The following CSMD1 variants were observed in gnomAD, a reference collection of about 807,000 sequenced individuals.
The protein encoded by CSMD1 is CUB and sushi domain-containing protein 1.
Under a neutral mutation model 417.5 loss-of-function variants are expected in CSMD1, and 213 were observed. That is an observed-to-expected ratio of 0.51 (90% CI 0.46 to 0.57). The LOEUF (loss-of-function observed/expected upper bound fraction) is 0.57. Ranked by LOEUF, CSMD1 falls within the 20% of genes least tolerant of loss-of-function variation. The probability of loss-of-function intolerance (pLI) is 0.00; values close to 1 mark genes in which losing one functional copy is unlikely to be tolerated. For synonymous variants in CSMD1, 2,862 were observed against 1,736.8 expected (o/e 1.65, Z -16.11); for missense variants, 6,923 against 4,529.7 (o/e 1.53, Z -15.17).
At chr8:3,602,009 A>T (rs1348203949) in intron 8 of CSMD1, among the ~76,000 whole-genome samples, 2 of 152,108 alleles carry the variant, frequency 1.3e-5, no homozygotes, top group African/African-American at 2.4e-5. Flanking sequence ...ATGGGAAGTT[A>T]TGGCTTTATG....
chr8:3,308,871 C>T lies in CSMD1; in HGVS notation c.3632-368G>A, dbSNP rs191763549. 3.0e-3 allele frequency among the ~76,000 whole-genome samples: 453 copies of T among 151,796 alleles called. 5 individuals carry two copies. In the East Asian group the frequency reaches 0.036, roughly 12 times the overall value. ...CCCAGGTAGCTGGGATTACAGGTGC[C>T]TGCCACCATGTCCAGCTAATTTTTT... On this transcript the variant is annotated intron_variant, in intron 23 of 69. Transcript: ENST00000635120.
chr8:3,483,250 G>T (rs187027694), intron 11 of CSMD1, among the ~76,000 whole-genome samples: 1 of 151,960 alleles, frequency 6.6e-6, no homozygotes. Flanking sequence ...AAGAGAAAGG[G>T]AGAGAGAGAT....
intron 2 of CSMD1, among the ~76,000 whole-genome samples, chr8:4,514,706 C>G (rs2130362752): frequency 6.6e-6 from 1 of 152,230 alleles, no homozygotes; most frequent in South Asian, 2.1e-4. Context: ...AATATAGATA[C>G]AAATTAAACC....
intron 5 of CSMD1, among the ~76,000 whole-genome samples, chr8:3,902,085 C>T (rs545355228): frequency 9.9e-5 from 15 of 152,184 alleles, no homozygotes; most frequent in African/African-American, 3.4e-4. Flanking sequence ...TCCTATTTGT[C>T]TTGAAAACCA....
chr8:3,622,850 G>C (rs1439256496), intron 7 of CSMD1, among the ~76,000 whole-genome samples: 6 of 152,182 alleles, frequency 3.9e-5, no homozygotes, highest in East Asian at 1.9e-4. Context: ...AGGTTGGAAA[G>C]AATCATGGAG....
intron 1 of CSMD1, among the ~76,000 whole-genome samples, chr8:4,938,725 C>T (rs987501265): frequency 4.6e-5 from 7 of 152,172 alleles, no homozygotes; most frequent in African/African-American, 1.4e-4. Flanking sequence ...TAAATTCGAT[C>T]TGAAATCTGA....
intron 3 of CSMD1, among the ~76,000 whole-genome samples, chr8:4,330,517 G>A (rs1053227984): frequency 6.6e-6 from 1 of 151,732 alleles, no homozygotes; most frequent in African/African-American, 2.4e-5. Context: ...TTGAACCGAG[G>A]AGGCAGAGGT....
intron 54 of CSMD1, among the ~76,000 whole-genome samples, chr8:2,996,477 T>C (rs139058277): frequency 1.4e-4 from 21 of 152,318 alleles, no homozygotes; most frequent in African/African-American, 4.3e-4. Context: ...TGTGAGGAGC[T>C]GAGGGCAGGG....
At chr8:3,157,752 C>T in intron 39 of CSMD1, 145 bp downstream of exon 39, 1 of 649,712 alleles carries the variant, frequency 1.5e-6, no homozygotes, top group Non-Finnish European at 2.8e-6. Context: ...CATCATTCTG[C>T]TCTACTGCAT....
intron 25 of CSMD1, among the ~76,000 whole-genome samples, chr8:3,304,503 T>G (rs1316069658): frequency 6.6e-6 from 1 of 152,120 alleles, no homozygotes; most frequent in African/African-American, 2.4e-5. Flanking sequence ...CAAAAACATT[T>G]TGGGATTAAG....
chr8:3,170,508 C>T (rs74304340), intron 37 of CSMD1, among the ~76,000 whole-genome samples: 8 of 152,130 alleles, frequency 5.3e-5, no homozygotes, highest in South Asian at 2.1e-4. Flanking sequence ...GTGCCCGGCC[C>T]GAGCTTTATT....
intron 52 of CSMD1, among the ~76,000 whole-genome samples, chr8:3,011,194 C>T (rs1039545293): frequency 1.3e-5 from 2 of 151,956 alleles, no homozygotes; most frequent in East Asian, 3.9e-4. Context: ...ACAGAAAAAC[C>T]CACCGCTGAG....
intron 12 of CSMD1, among the ~76,000 whole-genome samples, chr8:3,453,160 G>A (rs1022738539): frequency 3.9e-5 from 6 of 152,110 alleles, no homozygotes; most frequent in African/African-American, 1.4e-4. Context: ...GATTGGTGGT[G>A]ATATCCCCTT....
intron 12 of CSMD1, among the ~76,000 whole-genome samples, chr8:3,467,309 C>T (rs1205897608): frequency 6.6e-6 from 1 of 152,140 alleles, no homozygotes; most frequent in African/African-American, 2.4e-5. Flanking sequence ...CTGCAATTTG[C>T]CCTGTTGGGA....
intron 7 of CSMD1, among the ~76,000 whole-genome samples, chr8:3,633,366 T>C (rs372797811): frequency 1.2e-4 from 19 of 152,342 alleles, no homozygotes; most frequent in Admixed American, 6.5e-4. Flanking sequence ...GGTCCTGCCA[T>C]ATTTTCTTGA....
At chr8:4,397,828 A>G (rs559735077) in intron 3 of CSMD1, among the ~76,000 whole-genome samples, 198 of 152,228 alleles carry the variant, frequency 1.3e-3, no homozygotes, top group Non-Finnish European at 2.5e-3. Context: ...TTATAATCGG[A>G]AAATAATGTA....
chr8:3,822,546 A>G (rs555692010), intron 5 of CSMD1, among the ~76,000 whole-genome samples: 1 of 152,146 alleles, frequency 6.6e-6, no homozygotes, highest in Admixed American at 6.5e-5. Context: ...CCGACAGGCA[A>G]TTCTTTGCTT....
intron 3 of CSMD1, among the ~76,000 whole-genome samples, chr8:4,275,268 G>T (rs1387539175): frequency 2.6e-5 from 4 of 152,034 alleles, no homozygotes; most frequent in Non-Finnish European, 5.9e-5. Flanking sequence ...AAAGCAATAT[G>T]ACTTCTCTTT....
At chr8:3,887,859 C>A (rs1461764686) in intron 5 of CSMD1, among the ~76,000 whole-genome samples, 1 of 152,178 alleles carries the variant, frequency 6.6e-6, no homozygotes, top group Non-Finnish European at 1.5e-5. Flanking sequence ...TATTCGAAGT[C>A]TTATTCATGC....
Sources: allele counts gnomAD v4.1 joint callset (sites outside exome capture counted in the v4.1 genomes callset), GRCh38; gene constraint gnomAD v4.1.1; transcripts MANE v1.5; gene names NCBI Gene and HGNC (gene_info 2026-07-23, HGNC 2026-07-21).